TSPAN18: variants seen among roughly 807,000 people sequenced by gnomAD.
TSPAN18 encodes tetraspanin 18.
Under a neutral mutation model 27.3 loss-of-function variants are expected in TSPAN18, and 14 were observed. The ratio of observed to expected loss-of-function variants is 0.51; its 90% CI spans 0.34 to 0.80. TSPAN18 has a LOEUF of 0.80. Among genes scored for constraint, TSPAN18 ranks in the 30% least tolerant of loss-of-function variants. The pLI, the probability that TSPAN18 is intolerant of heterozygous loss-of-function variation, is 0.01. For synonymous variants in TSPAN18, 143 were observed against 136.5 expected (o/e 1.05, Z -0.33); for missense variants, 268 against 323.9 (o/e 0.83, Z 1.32).
At chr11:44,800,002 T>G (rs1856440289) in intron 2 of TSPAN18, among the ~76,000 whole-genome samples, 2 of 113,724 alleles carry the variant, frequency 1.8e-5, no homozygotes, top group South Asian at 3.6e-4. Context: ...GGCTAATTTT[T>G]TGTGTTTTTT....
chr11:44,776,215 C>G (rs1015440123), intron 2 of TSPAN18, among the ~76,000 whole-genome samples: 8 of 152,202 alleles, frequency 5.3e-5, no homozygotes, highest in Non-Finnish European at 8.8e-5. Context: ...TGGGCCGGGA[C>G]TCAGGAAAGG....
intron 1 of TSPAN18, chr11:44,736,227 ACT>A (rs2134807018): frequency 6.6e-6 from 1 of 152,198 alleles, no homozygotes; most frequent in East Asian, 1.9e-4. Context: ...GTCAAAACAC[ACT>A]CTGTCCGCAG....
At chr11:44,791,886 A>T (rs528512194) in intron 2 of TSPAN18, among the ~76,000 whole-genome samples, 1 of 152,168 alleles carries the variant, frequency 6.6e-6, no homozygotes, top group African/African-American at 2.4e-5. Context: ...ACAGCAGATG[A>T]TGGGTTGCCA....
intron 2 of TSPAN18, among the ~76,000 whole-genome samples, chr11:44,813,573 G>A (rs1856763699): frequency 6.6e-6 from 1 of 152,198 alleles, no homozygotes. Flanking sequence ...GCGCTGCTGG[G>A]AGTAAGACCT....
intron 2 of TSPAN18, among the ~76,000 whole-genome samples, chr11:44,786,741 C>G (rs1477006947): frequency 6.6e-6 from 1 of 150,824 alleles, no homozygotes; most frequent in African/African-American, 2.4e-5. Context: ...AAGCGATTCT[C>G]CTGCCTCAGC....
chr11:44,854,100 T>G (rs531306473), intron 2 of TSPAN18, among the ~76,000 whole-genome samples: 2 of 151,054 alleles, frequency 1.3e-5, no homozygotes, highest in South Asian at 4.2e-4. Context: ...AAACATCTGC[T>G]TGATAATCGT....
chr11:44,921,648 G>A (rs1231263736), intron 8 of TSPAN18, among the ~76,000 whole-genome samples: 1 of 152,198 alleles, frequency 6.6e-6, no homozygotes, highest in African/African-American at 2.4e-5. Flanking sequence ...AGGAGCCTGG[G>A]CCACGTACAG....
intron 2 of TSPAN18, among the ~76,000 whole-genome samples, chr11:44,802,609 G>GCACACA (rs3222524): frequency 0.017 from 2,431 of 142,672 alleles, 85 homozygotes; most frequent in African/African-American, 0.054. Flanking sequence ...GGGAAGCACT[G>GCACACA]CACACACACA....
intron 3 of TSPAN18, among the ~76,000 whole-genome samples, chr11:44,867,898 G>A (rs1366207802): frequency 1.3e-5 from 2 of 152,206 alleles, no homozygotes; most frequent in Non-Finnish European, 2.9e-5. Context: ...GGCTGCTTGT[G>A]CTGAGTTTGG....
At chr11:44,866,738 G>C (rs1043302149) in intron 3 of TSPAN18, among the ~76,000 whole-genome samples, 3 of 152,158 alleles carry the variant, frequency 2.0e-5, no homozygotes, top group African/African-American at 7.2e-5. Context: ...TGCCTCTGCT[G>C]CCCTCCTCTG....
chr11:44,833,062 C>T (rs905985151), intron 2 of TSPAN18, among the ~76,000 whole-genome samples: 2 of 151,790 alleles, frequency 1.3e-5, no homozygotes, highest in African/African-American at 4.8e-5. Flanking sequence ...CTCCAGGAGC[C>T]CTCCCTTCAC....
At chr11:44,916,550 C>G (rs1859917470) in intron 5 of TSPAN18, among the ~76,000 whole-genome samples, 1 of 152,098 alleles carries the variant, frequency 6.6e-6, no homozygotes. Context: ...CTCGTGATTC[C>G]CCACGGGGAA....
At chr11:44,793,072 G>A (rs940909526) in intron 2 of TSPAN18, among the ~76,000 whole-genome samples, 1 of 152,170 alleles carries the variant, frequency 6.6e-6, no homozygotes, top group African/African-American at 2.4e-5. Flanking sequence ...TGAGATCCTA[G>A]GCCAAGCCCT....
intron 5 of TSPAN18, 183 bp from the exon 6 acceptor site, chr11:44,917,789 G>T (rs1267713688): frequency 6.6e-6 from 4 of 603,104 alleles, no homozygotes; most frequent in Admixed American, 5.8e-5. Context: ...CAATCCTGTT[G>T]ACTCCAAGGA....
intron 2 of TSPAN18, among the ~76,000 whole-genome samples, chr11:44,798,498 C>T (rs1214131738): frequency 2.0e-5 from 3 of 152,228 alleles, no homozygotes; most frequent in African/African-American, 7.2e-5. Context: ...TAACCACTGC[C>T]CTGTCCTGTG....
intron 1 of TSPAN18, among the ~76,000 whole-genome samples, chr11:44,747,964 G>T (rs1202675576): frequency 3.3e-5 from 5 of 152,202 alleles, no homozygotes. Flanking sequence ...ACCTGCAGCA[G>T]AGCTGCAGGG....
intron 2 of TSPAN18, among the ~76,000 whole-genome samples, chr11:44,828,339 C>A (rs952666782): frequency 1.4e-4 from 21 of 150,510 alleles, no homozygotes; most frequent in Admixed American, 5.9e-4. Context: ...ACAACAACAA[C>A]AAAAAAAAAG....
chr11:44,822,968 C>T (rs1383396742), intron 2 of TSPAN18, among the ~76,000 whole-genome samples: 2 of 152,204 alleles, frequency 1.3e-5, no homozygotes, highest in Non-Finnish European at 2.9e-5. Context: ...CTTTCTGAGT[C>T]CTTGTACAAA....
At chr11:44,737,328 G>T (rs1355818800) in intron 1 of TSPAN18, among the ~76,000 whole-genome samples, 4 of 152,200 alleles carry the variant, frequency 2.6e-5, no homozygotes, top group South Asian at 2.1e-4. Flanking sequence ...GAAGATTGTG[G>T]TCACCGCAGG....
Sources: gnomAD v4.1 joint callset for allele counts (sites outside exome capture counted in the v4.1 genomes callset) on GRCh38, gnomAD v4.1.1 for gene constraint, MANE v1.5 for transcripts, NCBI Gene and HGNC (gene_info 2026-07-23, HGNC 2026-07-21) for gene names.